CXCR2: variants seen among roughly 807,000 people sequenced by gnomAD.
The protein encoded by CXCR2 is C-X-C chemokine receptor type 2.
CXCR2 carries 2 observed loss-of-function variants against 3.7 expected under a neutral mutation model. That is an observed-to-expected ratio of 0.55 (90% confidence interval 0.22 to 1.72). CXCR2 has a LOEUF of 1.72. CXCR2 is among the 40% of genes most tolerant of loss of function. The probability of loss-of-function intolerance (pLI) is 0.19; values close to 1 mark genes in which losing one functional copy is unlikely to be tolerated. For synonymous variants in CXCR2, 203 were observed against 193.3 expected, an observed-to-expected ratio of 1.05 and a Z score of -0.41; for missense variants, 351 against 450.1, an observed-to-expected ratio of 0.78 and a Z score of 1.99.
At chr2:218,129,531 C>T (rs1459727461) in intron 2 of CXCR2, among the ~76,000 whole-genome samples, 166 bp downstream of exon 2, 1 of 152,128 alleles carries the variant, frequency 6.6e-6, no homozygotes, top group African/African-American at 2.4e-5. Flanking sequence ...CTCTCCATCC[C>T]CAAAGGAAGA....
At chr2:218,130,469 T>C (rs1280522657) in intron 2 of CXCR2, among the ~76,000 whole-genome samples, 1 of 152,098 alleles carries the variant, frequency 6.6e-6, no homozygotes, top group Non-Finnish European at 1.5e-5. Context: ...ATATGTTTAA[T>C]AGATGAGGTG....
Position 218,136,106 on chromosome 2 carries a change from G to C in CXCR2, c.*222G>C, listed in dbSNP as rs1380669519. 4 of 569,938 alleles carry C rather than the reference G, an allele frequency of 7.0e-6. No individual in the cohort carries two copies. In the African/African-American group the frequency reaches 7.5e-5, roughly 11 times the overall value. 35.3% of individuals were successfully genotyped at this position (569,938 alleles called of 1,614,324 possible). ...GCCATAATTACTATGTCATTTGCTG[G>C]AGCTCTGCCCATCCTGCCCCTGAGC... is the stretch of plus-strand genomic sequence containing the variant. On this transcript the variant is annotated 3_prime_UTR_variant, in exon 3 of 3. Coordinates refer to ENST00000318507, the MANE Select transcript of CXCR2 (RefSeq NM_001557.4).
intron 2 of CXCR2, among the ~76,000 whole-genome samples, chr2:218,130,230 G>A (rs1028711797): frequency 2.0e-5 from 3 of 152,088 alleles, no homozygotes; most frequent in Non-Finnish European, 4.4e-5. Context: ...AGACCAGCCC[G>A]ACCAACATAG....
In CXCR2 at chr2:218,135,151, T is replaced by C. The variant is rs963559162; in HGVS notation, c.350T>C (p.Phe117Ser). ...GTGAATGGCTGGATTTTTGGCACAT[T>C]CCTGTGCAAGGTGGTCTCACTCCTG... ...SKVNGWIFGT[F>S]LCKVVSLLKE... The change falls in exon 3 of 3, where the codon TTC (phenylalanine) becomes TCC (serine). Residue 117 changes from phenylalanine (F) to serine (S), a missense_variant. Phe to Ser is a radical substitution (Grantham distance 155). Transcript: ENST00000318507. This position sits in a 1 kb window ranked among gnomAD's most constrained non-coding sequence, Gnocchi z 4.0. The C allele has an allele frequency of 6.2e-7, 1 of 1,614,086 alleles. No homozygotes were observed. The highest frequency in any genetic ancestry group is 8.5e-7 in the Non-Finnish European group (1 of 1,180,040).
chr2:218,134,861 T>G lies in CXCR2; in HGVS notation c.60T>G (p.Leu20=). 2.5e-6 allele frequency: 4 copies of G among 1,614,076 alleles called. No homozygotes were observed. The highest frequency in any genetic ancestry group is 3.4e-6 in the Non-Finnish European group (4 of 1,179,996). The part of the protein sequence containing the change: ...SFEDFWKGED[L]SNYSYSSTLP... ...AAGATTTCTGGAAAGGTGAAGATCTTAGTAATTACAGTTACAGCTCTACCC... is the reference window on the plus strand; with the variant it reads ...AAGATTTCTGGAAAGGTGAAGATCTGAGTAATTACAGTTACAGCTCTACCC... The change falls in exon 3 of 3, where the codon CTT becomes CTG. Residue 20 remains leucine, a synonymous_variant. Transcript: ENST00000318507.
At chr2:218,131,610 C>T (rs1428420329) in intron 2 of CXCR2, among the ~76,000 whole-genome samples, 2 of 151,896 alleles carry the variant, frequency 1.3e-5, no homozygotes, top group Non-Finnish European at 2.9e-5. Flanking sequence ...GCTGGGACCA[C>T]AGGCGCCCGC....
At chr2:218,126,870 T>C (rs1254973080) in intron 1 of CXCR2, among the ~76,000 whole-genome samples, 1 of 152,116 alleles carries the variant, frequency 6.6e-6, no homozygotes, top group Non-Finnish European at 1.5e-5. Flanking sequence ...AAGACAGGGT[T>C]TCGTCATGTT....
At chr2:218,132,622 G>A (rs1690675251) in intron 2 of CXCR2, among the ~76,000 whole-genome samples, 1 of 152,172 alleles carries the variant, frequency 6.6e-6, no homozygotes, top group Admixed American at 6.5e-5. Context: ...GCATGTTACT[G>A]TACTAAATAC....
intron 2 of CXCR2, among the ~76,000 whole-genome samples, chr2:218,134,554 A>G (rs749328267): frequency 2.0e-5 from 3 of 152,186 alleles, no homozygotes; most frequent in Non-Finnish European, 2.9e-5. Context: ...AATGCTAAGA[A>G]TTTCTCTCTT....
At chr2:218,133,651 G>T (rs1003382742) in intron 2 of CXCR2, among the ~76,000 whole-genome samples, 3 of 152,192 alleles carry the variant, frequency 2.0e-5, no homozygotes, top group Non-Finnish European at 2.9e-5. Flanking sequence ...CCCAGAGCAG[G>T]ATCTGTGCTG....
intron 2 of CXCR2, among the ~76,000 whole-genome samples, chr2:218,129,950 C>T (rs980892804): frequency 6.6e-6 from 1 of 152,100 alleles, no homozygotes; most frequent in African/African-American, 2.4e-5. Context: ...CCCTTTTTAT[C>T]CTGGAATATA....
intron 1 of CXCR2, among the ~76,000 whole-genome samples, chr2:218,128,742 G>C (rs989550295): frequency 6.6e-6 from 1 of 152,198 alleles, no homozygotes; most frequent in Non-Finnish European, 1.5e-5. Flanking sequence ...TCAATACCCA[G>C]AGATGGACTT....
intron 1 of CXCR2, among the ~76,000 whole-genome samples, chr2:218,128,930 T>C (rs1690573375): frequency 6.6e-6 from 1 of 152,160 alleles, no homozygotes; most frequent in Non-Finnish European, 1.5e-5. Flanking sequence ...AAGGCTATAG[T>C]ACTGCCAATG....
chr2:218,127,411 G>A (rs1690538095), intron 1 of CXCR2, among the ~76,000 whole-genome samples: 1 of 152,212 alleles, frequency 6.6e-6, no homozygotes, highest in Non-Finnish European at 1.5e-5. Flanking sequence ...ACAGGCATGA[G>A]CCACCGCACC....
chr2:218,131,942 T>G (rs1690657978), intron 2 of CXCR2, among the ~76,000 whole-genome samples: 1 of 152,044 alleles, frequency 6.6e-6, no homozygotes, highest in African/African-American at 2.4e-5. Context: ...AAAGTGGCAT[T>G]ATTTTTCCAG....
In CXCR2 at chr2:218,135,864, C is replaced by T; in HGVS notation, c.1063C>T (p.His355Tyr). ...TTCCTTTGTTGGCTCTTCTTCAGGGCACACTTCCACTACTCTCTAAGACCT... is the reference window on the plus strand; with the variant it reads ...TTCCTTTGTTGGCTCTTCTTCAGGGTACACTTCCACTACTCTCTAAGACCT... ...RPSFVGSSSG[H>Y]TSTTL The change falls in exon 3 of 3, where the codon CAC (histidine) becomes TAC (tyrosine). Residue 355 changes from histidine to tyrosine, a missense_variant. Physicochemically the swap from His to Tyr is moderately conservative, Grantham distance 83 (BLOSUM62 2). Coordinates refer to ENST00000318507, the MANE Select transcript of CXCR2 (RefSeq NM_001557.4). The surrounding 1 kb of genome is among the most constrained non-coding windows in gnomAD (Gnocchi z 4.0). The T allele has an allele frequency of 1.2e-6, 2 of 1,611,790 alleles. No homozygotes were observed. Among genetic ancestry groups the T allele is most frequent in the Non-Finnish European group, 1.7e-6 (2 of 1,178,596 alleles).
intron 1 of CXCR2, among the ~76,000 whole-genome samples, chr2:218,128,558 T>C (rs144836461): frequency 6.6e-6 from 1 of 152,350 alleles, no homozygotes; most frequent in East Asian, 1.9e-4. Context: ...ATAAAATACA[T>C]TCTTAGGGTC....
rs1690697585 is a variant in CXCR2, at chr2:218,133,346, C to G, written c.-25-1431C>G. ...GCAGAGTCTCGCTCTGTTGCCCAGG[C>G]TGGAGTGCAGTGATGTGATTTCGGC... On this transcript the variant is annotated intron_variant, in intron 2 of 2. Coordinates refer to ENST00000318507, the MANE Select transcript of CXCR2 (RefSeq NM_001557.4). Among the ~76,000 whole-genome samples, 3 of 128,540 alleles carry G rather than the reference C, an allele frequency of 2.3e-5. No individual in the cohort carries two copies. In the South Asian group the frequency reaches 7.3e-4, roughly 31 times the overall value. 84.3% of individuals were successfully genotyped at this position (128,540 alleles called of 152,430 possible). A position where few individuals can be genotyped will look rare whatever the true frequency, so the allele number is the denominator to read the frequency against.
At chr2:218,132,796 T>C (rs1426647405) in intron 2 of CXCR2, among the ~76,000 whole-genome samples, 3 of 152,228 alleles carry the variant, frequency 2.0e-5, no homozygotes, top group Non-Finnish European at 4.4e-5. Context: ...GTCTGTCCGT[T>C]CATCAGTTGA....
Sources: allele counts gnomAD v4.1 joint callset (sites outside exome capture counted in the v4.1 genomes callset), GRCh38; gene constraint gnomAD v4.1.1; non-coding constraint Gnocchi (gnomAD v3.1); transcripts MANE v1.5; gene names NCBI Gene and HGNC (gene_info 2026-07-23, HGNC 2026-07-21).